HK2: variants seen among roughly 807,000 people sequenced by gnomAD.
HK2 encodes the protein hexokinase 2, also known as hexokinase-2.
In HK2, 42 loss-of-function variants were observed where a neutral mutation model predicts 92.9. That is an observed-to-expected ratio of 0.45 (90% confidence interval 0.35 to 0.58). The LOEUF is 0.58. Among genes scored for constraint, HK2 ranks in the 20% least tolerant of loss-of-function variants. HK2 has a pLI of 0.00. For missense variants in HK2, 978 were observed against 1,245.1 expected (o/e 0.79, Z 3.23); for synonymous variants, 422 against 468.0 (o/e 0.90, Z 1.27).
rs375609405 is a variant in HK2 at position 74,854,354 on chromosome 2, G to A, written c.125G>A (p.Arg42Gln). Residue 42 changes from arginine (R) to glutamine (Q), a missense_variant, in exon 2 of 18, where the codon CGG (arginine) becomes CAG (glutamine). Around this residue, in one of 3 missense-constraint regions of HK2, gnomAD observed 189 missense variants for 289.5 expected, o/e 0.65. Coordinates refer to ENST00000290573, the MANE Select transcript of HK2 (RefSeq NM_000189.5). ...GAGACCCTCTTGGAGATCTCTAAGC[G>A]GTTCCGCAAGGAGATGGAGAAAGGG... is the stretch of plus-strand genomic sequence containing the variant. ...SDETLLEISK[R>Q]FRKEMEKGLG... The A allele has an allele frequency of 2.1e-5, 34 of 1,613,628 alleles. No homozygotes were observed. Among genetic ancestry groups the A allele is most frequent in the Admixed American group, 5.0e-5 (3 of 60,006 alleles).
intron 1 of HK2, among the ~76,000 whole-genome samples, chr2:74,840,990 G>A (rs1688302985): frequency 6.6e-6 from 1 of 151,144 alleles, no homozygotes; most frequent in Non-Finnish European, 1.5e-5. Context: ...CACACACCAT[G>A]CTTCCTTGTG....
intron 9 of HK2, among the ~76,000 whole-genome samples, chr2:74,879,259 T>C (rs1689321492): frequency 6.6e-6 from 1 of 152,170 alleles, no homozygotes; most frequent in Admixed American, 6.5e-5. Flanking sequence ...CTATGTCCTC[T>C]GCCAGGGACC....
rs772046577 is a variant in HK2 at position 74,888,095 on chromosome 2, G to A, written c.2375+37G>A. ...GGGCTCAGGGTAGCAGGGGGGCCAT[G>A]TCCTTTTTTCTCACTGGCAGACAAA... On this transcript the variant is annotated intron_variant, in intron 16 of 17. Transcript: ENST00000290573. 6 of 1,610,048 alleles carry A rather than the reference G, an allele frequency of 3.7e-6. No individual in the cohort carries two copies. The South Asian group carries it at 4.4e-5, about 12-fold the overall frequency.
chr2:74,851,646 C>T (rs192332114), intron 1 of HK2, among the ~76,000 whole-genome samples: 1 of 152,220 alleles, frequency 6.6e-6, no homozygotes, highest in Non-Finnish European at 1.5e-5. Context: ...TTTGCAAACA[C>T]CTGAAGCCTT....
At chr2:74,841,991 C>T (rs1398590224) in intron 1 of HK2, among the ~76,000 whole-genome samples, 1 of 152,238 alleles carries the variant, frequency 6.6e-6, no homozygotes, top group African/African-American at 2.4e-5. Context: ...GAGTCAGGCT[C>T]CCTGGGGTTG....
At chr2:74,874,229 G>C in intron 6 of HK2, 37 bp from the exon 7 acceptor site, 1 of 1,613,306 alleles carries the variant, frequency 6.2e-7, no homozygotes, top group Non-Finnish European at 8.5e-7. Flanking sequence ...GAAGGGGCCG[G>C]AGCAGGCGTG....
At position 74,877,233 on chromosome 2, in the gene HK2, A is replaced by G. The variant is rs1689255274; in HGVS notation, c.943A>G (p.Lys315Glu). ...LVRLILVKMA[K>E]EELLFGGKLS... is the part of the protein sequence containing the mutation. ...GAGGCTTATCCTGGTGAAGATGGCC[A>G]AGGAGGAGCTGCTCTTTGGGGGGAA... Residue 315 changes from lysine (K) to glutamate (E), a missense_variant, in exon 8 of 18, where the codon AAG (lysine) becomes GAG (glutamate). By Grantham distance (56) the Lys-to-Glu change is moderately conservative (BLOSUM62 1). Around this residue, in one of 3 missense-constraint regions of HK2, gnomAD observed 742 missense variants for 922.5 expected, o/e 0.80. Transcript: ENST00000290573. 6.2e-7 allele frequency: 1 copy of G among 1,614,046 alleles called. No individual in the cohort carries two copies. Among genetic ancestry groups the G allele is most frequent in the Admixed American group, 1.7e-5 (1 of 60,010 alleles).
At chr2:74,878,540 C>A in intron 8 of HK2, 148 bp from the exon 9 acceptor site, 2 of 723,470 alleles carry the variant, frequency 2.8e-6, no homozygotes, top group Non-Finnish European at 5.0e-6. Context: ...CCTGCCCCTG[C>A]ACAGGTGGAC....
chr2:74,847,299 T>C (rs186803923), intron 1 of HK2, among the ~76,000 whole-genome samples: 1 of 152,302 alleles, frequency 6.6e-6, no homozygotes, highest in East Asian at 1.9e-4. Context: ...TCTGCTTGCT[T>C]ACTAAAAGGA....
rs956905570 is a variant in HK2, at chr2:74,872,173, G to T, written c.376-127G>T. On this transcript the variant is annotated intron_variant, in intron 3 of 17. Coordinates refer to ENST00000290573, the MANE Select transcript of HK2 (RefSeq NM_000189.5). ...ATTCCCTTTTTGTAGGTGAGCAAAT[G>T]AAGATATCAGAGGAGATATGGGTTT... 2.4e-5 allele frequency: 22 copies of T among 914,264 alleles called. No individual in the cohort carries two copies. In the Admixed American group the frequency reaches 4.1e-4, roughly 17 times the overall value. The allele number at this position is 914,264 out of a possible 1,614,324, so 56.6% of individuals were successfully genotyped here. A position where few individuals can be genotyped will look rare whatever the true frequency, so the allele number is the denominator to read the frequency against.
chr2:74,877,182 AGTGG>A lies in HK2; in HGVS notation c.894_897del (p.Ser298ArgfsTer8). The A allele has an allele frequency of 6.2e-7, 1 of 1,614,132 alleles. No individual in the cohort carries two copies. The highest frequency in any genetic ancestry group is 8.5e-7 in the Non-Finnish European group (1 of 1,180,026). ...TTCCGGCAGGTTTGAGAAGATGATC[AGTGG>A]GATGTACATGGGGGAGCTGGTGAGG... On this transcript the variant is annotated frameshift_variant, in exon 8 of 18. Transcript: ENST00000290573. LOFTEE classifies it high-confidence loss of function.
intron 3 of HK2, 85 bp from the exon 4 acceptor site, chr2:74,872,215 G>A: frequency 7.1e-7 from 1 of 1,412,674 alleles, no homozygotes; most frequent in Non-Finnish European, 1.0e-6. Context: ...CATTCAGCTA[G>A]TTACGTGCTG....
At chr2:74,861,907 G>A (rs1218905132) in intron 2 of HK2, among the ~76,000 whole-genome samples, 1 of 152,198 alleles carries the variant, frequency 6.6e-6, no homozygotes, top group Non-Finnish European at 1.5e-5. Flanking sequence ...CAGAGTGAGG[G>A]TAAGGCAGTG....
chr2:74,877,384 G>A, intron 8 of HK2, 63 bp downstream of exon 8: 1 of 1,571,828 alleles, frequency 6.4e-7, no homozygotes. Flanking sequence ...GGTAGTTGGG[G>A]AATGAGGAGG....
intron 16 of HK2, among the ~76,000 whole-genome samples, chr2:74,888,420 C>T (rs372019782): frequency 4.6e-5 from 7 of 152,230 alleles, no homozygotes; most frequent in Admixed American, 1.3e-4. Flanking sequence ...CCCTTCCTAA[C>T]TGCTGGCTGC....
intron 1 of HK2, among the ~76,000 whole-genome samples, chr2:74,852,728 A>G (rs1688599938): frequency 6.6e-6 from 1 of 152,150 alleles, no homozygotes; most frequent in South Asian, 2.1e-4. Context: ...GAGTTATCTG[A>G]TGCTTCTCAT....
chr2:74,878,411 CTCTGTGTG>C (rs1689286186), intron 8 of HK2, among the ~76,000 whole-genome samples: 1 of 109,260 alleles, frequency 9.2e-6, no homozygotes, highest in Non-Finnish European at 1.8e-5. Flanking sequence ...CTCCGTGTGT[CTCTGTGTG>C]TGTGTGTGTG....
At chr2:74,879,107 G>A (rs1364611132) in intron 9 of HK2, among the ~76,000 whole-genome samples, 186 bp downstream of exon 9, 1 of 152,120 alleles carries the variant, frequency 6.6e-6, no homozygotes, top group African/African-American at 2.4e-5. Context: ...TCTGGTGTGG[G>A]TGGAGGTGAT....
In HK2 at chr2:74,880,580, G is replaced by T; in HGVS notation, c.1570+11G>T. On this transcript the variant is annotated intron_variant, in intron 10 of 17. Coordinates refer to ENST00000290573, the MANE Select transcript of HK2 (RefSeq NM_000189.5). Reference sequence around the variant, plus strand: ...CCCCGGACGGCACAGGTACACGGCAGGGTTGCCACCTGGCTCACATGGTGG... The same window carrying T: ...CCCCGGACGGCACAGGTACACGGCATGGTTGCCACCTGGCTCACATGGTGG... 6.2e-7 allele frequency: 1 copy of T among 1,611,916 alleles called. No individual in the cohort carries two copies. The highest frequency in any genetic ancestry group is 8.5e-7 in the Non-Finnish European group (1 of 1,178,608).
Sources: allele counts gnomAD v4.1 joint callset (sites outside exome capture counted in the v4.1 genomes callset), GRCh38; gene constraint gnomAD v4.1.1; regional missense constraint gnomAD v4.1.1; transcripts MANE v1.5; gene names NCBI Gene and HGNC (gene_info 2026-07-23, HGNC 2026-07-21).